The following DTNBP1 variants were observed in gnomAD, a reference collection of about 807,000 sequenced individuals.
The protein encoded by DTNBP1 is dysbindin.
In DTNBP1, 35 loss-of-function variants were observed where a neutral mutation model predicts 42.8. The observed-to-expected ratio is 0.82, with a 90% CI of 0.63 to 1.09. The LOEUF (loss-of-function observed/expected upper bound fraction) is 1.09, where lower values mean the gene tolerates loss of function less well. Among genes scored for constraint, DTNBP1 ranks in the 50% least tolerant of loss-of-function variants. DTNBP1 has a pLI of 0.00. For missense variants in DTNBP1, 457 were observed against 424.2 expected, an observed-to-expected ratio of 1.08 and a Z score of -0.68; for synonymous variants, 171 against 162.2, an observed-to-expected ratio of 1.05 and a Z score of -0.41.
chr6:15,577,974 C>T (rs1009415237), intron 7 of DTNBP1, among the ~76,000 whole-genome samples: 11 of 152,106 alleles, frequency 7.2e-5, no homozygotes, highest in Non-Finnish European at 1.5e-4. Context: ...CTTTTACAGG[C>T]AAAAGGGATT....
chr6:15,627,419 G>A lies in DTNBP1; in HGVS notation c.279C>T (p.Ser93=). Residue 93 remains serine, a synonymous_variant, in exon 5 of 10, where the codon AGC becomes AGT. Coordinates refer to ENST00000344537, the MANE Select transcript of DTNBP1 (RefSeq NM_032122.5). The part of the protein sequence containing the change: ...LSAHWEKKKT[S]LVELQEQLQQ... Reference sequence around the variant, plus strand: ...GGAGCTGCTCTTGCAGCTCCACGAGGCTTGTCTTTTTCTTCTCCCAGTGCG... The same window carrying A: ...GGAGCTGCTCTTGCAGCTCCACGAGACTTGTCTTTTTCTTCTCCCAGTGCG... 2 of 1,614,014 alleles carry A rather than the reference G, an allele frequency of 1.2e-6. No homozygotes were observed. The highest frequency in any genetic ancestry group is 1.7e-6 in the Non-Finnish European group (2 of 1,179,982).
chr6:15,531,088 T>C (rs1772788107), intron 8 of DTNBP1, among the ~76,000 whole-genome samples: 1 of 152,144 alleles, frequency 6.6e-6, no homozygotes, highest in South Asian at 2.1e-4. Context: ...GTTGGCCACG[T>C]GCACACATAG....
intron 7 of DTNBP1, among the ~76,000 whole-genome samples, chr6:15,558,420 C>T (rs1166094250): frequency 6.6e-6 from 1 of 152,060 alleles, no homozygotes; most frequent in Non-Finnish European, 1.5e-5. Context: ...GCACGTGCCA[C>T]CACACTCAGC....
intron 1 of DTNBP1, among the ~76,000 whole-genome samples, chr6:15,655,946 A>C (rs1761253212): frequency 6.6e-6 from 1 of 152,202 alleles, no homozygotes; most frequent in South Asian, 2.1e-4. Flanking sequence ...GTCCTACAAT[A>C]TCATGACATG....
intron 8 of DTNBP1, among the ~76,000 whole-genome samples, chr6:15,526,119 C>G (rs1040463492): frequency 1.1e-4 from 16 of 152,164 alleles, no homozygotes; most frequent in Admixed American, 8.5e-4. Context: ...GAAATGTCAT[C>G]TCTAAAATGG....
At chr6:15,637,646 T>C (rs1229888286) in intron 4 of DTNBP1, 98 bp downstream of exon 4, 3 of 1,346,226 alleles carry the variant, frequency 2.2e-6, no homozygotes, top group Non-Finnish European at 2.1e-6. Flanking sequence ...CTGCAAAACA[T>C]TTTGACACAA....
chr6:15,611,258 G>A (rs746960032), intron 6 of DTNBP1, among the ~76,000 whole-genome samples: 3 of 152,144 alleles, frequency 2.0e-5, no homozygotes, highest in Admixed American at 6.5e-5. Context: ...AACAAAGCCT[G>A]GGTGAAAGCA....
chr6:15,541,221 G>A (rs1433876642), intron 7 of DTNBP1, among the ~76,000 whole-genome samples: 1 of 152,116 alleles, frequency 6.6e-6, no homozygotes, highest in Non-Finnish European at 1.5e-5. Flanking sequence ...TTTGCCCTCA[G>A]CGACGTGACT....
At chr6:15,585,061 A>G (rs1304040440) in intron 7 of DTNBP1, among the ~76,000 whole-genome samples, 1 of 111,562 alleles carries the variant, frequency 9.0e-6, no homozygotes, top group Non-Finnish European at 1.8e-5. Flanking sequence ...AAATTATGAA[A>G]AGAATATATA....
intron 7 of DTNBP1, among the ~76,000 whole-genome samples, chr6:15,568,987 C>CT (rs1340312129): frequency 6.6e-6 from 1 of 152,136 alleles, no homozygotes; most frequent in Non-Finnish European, 1.5e-5. Context: ...GTCAACTGTA[C>CT]TTTTTTCCCC....
intron 7 of DTNBP1, among the ~76,000 whole-genome samples, chr6:15,572,668 G>C (rs1775387233): frequency 6.6e-6 from 1 of 152,190 alleles, no homozygotes; most frequent in African/African-American, 2.4e-5. Flanking sequence ...CTGAGGCTCA[G>C]AGAGGTGAGA....
intron 8 of DTNBP1, among the ~76,000 whole-genome samples, chr6:15,530,533 TTCTC>T (rs1772747272): frequency 6.6e-6 from 1 of 152,212 alleles, no homozygotes; most frequent in African/African-American, 2.4e-5. Context: ...GCTAGACGCG[TTCTC>T]TCTGCCAGCC....
intron 7 of DTNBP1, among the ~76,000 whole-genome samples, chr6:15,589,989 C>T (rs1776228919): frequency 6.6e-6 from 1 of 152,158 alleles, no homozygotes; most frequent in Non-Finnish European, 1.5e-5. Flanking sequence ...AGTGCAGTGG[C>T]ACAATCTTGG....
At chr6:15,652,577 C>T (rs1389109098) in intron 1 of DTNBP1, among the ~76,000 whole-genome samples, 1 of 151,698 alleles carries the variant, frequency 6.6e-6, no homozygotes, top group Non-Finnish European at 1.5e-5. Flanking sequence ...CCTCAAAAGA[C>T]AACAAATATT....
intron 7 of DTNBP1, among the ~76,000 whole-genome samples, chr6:15,566,130 C>G (rs535197414): frequency 1.5e-4 from 23 of 151,842 alleles, no homozygotes; most frequent in African/African-American, 5.3e-4. Flanking sequence ...CCGGCTAAAA[C>G]GGTGAAACCC....
At chr6:15,585,894 T>G (rs1776061193) in intron 7 of DTNBP1, 3 of 1,428,524 alleles carry the variant, frequency 2.1e-6, no homozygotes, top group Non-Finnish European at 2.7e-6. Context: ...CAGAAGCAGG[T>G]TTTTCCAAAG....
At chr6:15,579,477 T>C (rs1032362971) in intron 7 of DTNBP1, among the ~76,000 whole-genome samples, 6 of 152,230 alleles carry the variant, frequency 3.9e-5, no homozygotes, top group African/African-American at 1.4e-4. Context: ...GTAGGGTGAC[T>C]ATAACAATTT....
chr6:15,659,092 T>G (rs1761442793), intron 1 of DTNBP1, among the ~76,000 whole-genome samples: 1 of 152,256 alleles, frequency 6.6e-6, no homozygotes, highest in South Asian at 2.1e-4. Flanking sequence ...AACAATGGTC[T>G]TAAGCTGCAC....
intron 6 of DTNBP1, among the ~76,000 whole-genome samples, chr6:15,608,630 A>G (rs1758209455): frequency 6.6e-6 from 1 of 152,178 alleles, no homozygotes; most frequent in Non-Finnish European, 1.5e-5. Flanking sequence ...TTGTGTGTGG[A>G]GCACATCCTC....
Sources: gnomAD v4.1 joint callset for allele counts (sites outside exome capture counted in the v4.1 genomes callset) on GRCh38, gnomAD v4.1.1 for gene constraint, MANE v1.5 for transcripts, NCBI Gene and HGNC (gene_info 2026-07-23, HGNC 2026-07-21) for gene names.